OLA1: variants seen among roughly 807,000 people sequenced by gnomAD.
The protein encoded by OLA1 is obg-like ATPase 1.
OLA1 carries 14 observed loss-of-function variants against 48.4 expected under a neutral mutation model. The ratio of observed to expected loss-of-function variants is 0.29; its 90% CI spans 0.19 to 0.45. The LOEUF (loss-of-function observed/expected upper bound fraction) is 0.45, where lower values mean the gene tolerates loss of function less well. OLA1 is among the 20% of genes least tolerant of loss of function. OLA1 has a pLI of 1.00. For missense variants in OLA1, 325 were observed against 467.1 expected (o/e 0.70, Z 2.80); for synonymous variants, 127 against 150.4 (o/e 0.84, Z 1.14).
chr2:174,200,797 G>A (rs573652147), intron 4 of OLA1, among the ~76,000 whole-genome samples: 2 of 152,032 alleles, frequency 1.3e-5, no homozygotes, highest in South Asian at 2.1e-4. Flanking sequence ...AAGGAGTAAG[G>A]GGAGGAGGCT....
At chr2:174,178,770 C>G (rs1687471697) in intron 4 of OLA1, among the ~76,000 whole-genome samples, 1 of 151,738 alleles carries the variant, frequency 6.6e-6, no homozygotes, top group Admixed American at 6.6e-5. Context: ...AAAACTAGTT[C>G]CAAAAAACTT....
Position 174,088,877 on chromosome 2 carries a change from AAAATAAAT to A in OLA1, c.729-6821_729-6814del, listed in dbSNP as rs5836449. Among the ~76,000 whole-genome samples the A allele has an allele frequency of 1.2e-3, 184 of 148,132 alleles. 2 individuals are homozygous for A. The highest frequency in any genetic ancestry group is 3.1e-3 in the African/African-American group (125 of 39,902). On this transcript the variant is annotated intron_variant, in intron 7 of 10. Transcript: ENST00000284719. ...GATGACAGAGTGAAATCCTGTCTCA[AAAATAAAT>A]AAATAAATAAATAAATAAATAAATA...
At chr2:174,137,393 A>C (rs558944407) in intron 5 of OLA1, among the ~76,000 whole-genome samples, 3 of 152,228 alleles carry the variant, frequency 2.0e-5, no homozygotes, top group Non-Finnish European at 4.4e-5. Context: ...ATAACTCGCA[A>C]AGGCTCTAGG....
At chr2:174,110,302 A>ATTTTTTTTTTTT (rs575026912) in intron 7 of OLA1, among the ~76,000 whole-genome samples, 461 of 113,852 alleles carry the variant, frequency 4.0e-3, no homozygotes, top group African/African-American at 5.9e-3. Flanking sequence ...CCATGCTTGG[A>ATTTTTTTTTTTT]TTTTTTTTTT....
chr2:174,096,893 C>A (rs896147969), intron 7 of OLA1, among the ~76,000 whole-genome samples: 2 of 152,138 alleles, frequency 1.3e-5, no homozygotes, highest in African/African-American at 4.8e-5. Flanking sequence ...AGTGGTGGCT[C>A]ACGCCTGTAA....
chr2:174,149,587 T>C (rs1200360146), intron 4 of OLA1, among the ~76,000 whole-genome samples: 2 of 152,230 alleles, frequency 1.3e-5, no homozygotes, highest in Non-Finnish European at 2.9e-5. Context: ...TCTAAAATTA[T>C]GACTTTTCTA....
chr2:174,101,567 T>G (rs2105352919), intron 7 of OLA1, among the ~76,000 whole-genome samples: 1 of 152,328 alleles, frequency 6.6e-6, no homozygotes, highest in Middle Eastern at 3.4e-3. Context: ...ATCCAAGAGA[T>G]CTTTGCCTAT....
chr2:174,204,751 C>T (rs1213551337), intron 4 of OLA1, among the ~76,000 whole-genome samples: 1 of 150,276 alleles, frequency 6.7e-6, no homozygotes, highest in Admixed American at 6.6e-5. Flanking sequence ...TAAAAAAAAA[C>T]TTTAAGAAAT....
rs186968096 is a variant in OLA1, at chr2:174,146,293, A to G, written c.374-4293T>C. Among the ~76,000 whole-genome samples the G allele has an allele frequency of 5.0e-4, 76 of 152,304 alleles. 1 individual carries two copies. The highest frequency in any genetic ancestry group is 6.9e-4 in the Non-Finnish European group (47 of 68,028). On this transcript the variant is annotated intron_variant, in intron 4 of 10. Coordinates refer to ENST00000284719, the MANE Select transcript of OLA1 (RefSeq NM_013341.5). Reference sequence around the variant, plus strand: ...AACAAAGGGAAGGCAGGGTGATAAGATAAGACTTATGATTTAAAGAGGACA... The same window carrying G: ...AACAAAGGGAAGGCAGGGTGATAAGGTAAGACTTATGATTTAAAGAGGACA...
rs189598095 is a variant in OLA1, at chr2:174,244,476, A to G, written c.101+2239T>C. On this transcript the variant is annotated intron_variant, in intron 2 of 10. Transcript: ENST00000284719. The stretch of plus-strand genomic sequence containing the variant: ...TAAAAAGCTATGGTCGTCCCTCCAT[A>G]GCTGCAGGGGATTGGTTCTAAGATT... 2.2e-3 allele frequency among the ~76,000 whole-genome samples: 335 copies of G among 152,324 alleles called. 2 individuals are homozygous for G. The highest frequency in any genetic ancestry group is 3.9e-3 in the Non-Finnish European group (266 of 68,018).
chr2:174,236,395 T>C (rs1177775449), intron 2 of OLA1, among the ~76,000 whole-genome samples: 1 of 151,890 alleles, frequency 6.6e-6, no homozygotes, highest in African/African-American at 2.4e-5. Flanking sequence ...AAAATGAAAT[T>C]GAAATGAAAA....
chr2:174,208,930 C>T (rs1688175008), intron 4 of OLA1, among the ~76,000 whole-genome samples: 1 of 152,214 alleles, frequency 6.6e-6, no homozygotes, highest in African/African-American at 2.4e-5. Flanking sequence ...CAACTCTATA[C>T]TCATGTCTAC....
At chr2:174,220,528 A>C (rs972774753) in intron 4 of OLA1, among the ~76,000 whole-genome samples, 6 of 152,192 alleles carry the variant, frequency 3.9e-5, no homozygotes, top group African/African-American at 1.4e-4. Flanking sequence ...CTGTATTATA[A>C]GCTCATGAGA....
At chr2:174,245,039 T>C (rs369684433) in intron 2 of OLA1, among the ~76,000 whole-genome samples, 12 of 152,334 alleles carry the variant, frequency 7.9e-5, no homozygotes, top group African/African-American at 2.9e-4. Flanking sequence ...ATATGGCCCA[T>C]TTTAATATAG....
At chr2:174,224,321 A>G (rs933537097) in intron 3 of OLA1, among the ~76,000 whole-genome samples, 19 of 152,178 alleles carry the variant, frequency 1.2e-4, no homozygotes, top group Admixed American at 1.2e-3. Flanking sequence ...TTTGGTAGCC[A>G]TTCCTCTCCA....
rs538386118 is a variant in OLA1 at position 174,114,493 on chromosome 2, C to T, written c.728+8687G>A. Among the ~76,000 whole-genome samples the T allele has an allele frequency of 2.4e-4, 37 of 151,832 alleles. No homozygotes were observed. In the South Asian group the frequency reaches 3.3e-3, roughly 14 times the overall value. On this transcript the variant is annotated intron_variant, in intron 7 of 10. Transcript: ENST00000284719. ...GACCTTCATGTTGGACATCCATATACGTTCCTGGGGAAAAATCTTTTAAAA... is the reference window on the plus strand; with the variant it reads ...GACCTTCATGTTGGACATCCATATATGTTCCTGGGGAAAAATCTTTTAAAA...
chr2:174,166,110 G>A (rs1475960115), intron 4 of OLA1, among the ~76,000 whole-genome samples: 1 of 139,552 alleles, frequency 7.2e-6, no homozygotes. Context: ...GGGCAACAGA[G>A]TGAGACTCCA....
chr2:174,171,521 G>A (rs1574526402), intron 4 of OLA1, among the ~76,000 whole-genome samples: 1 of 151,768 alleles, frequency 6.6e-6, no homozygotes, highest in East Asian at 1.9e-4. Context: ...AGAATCAACA[G>A]ATCAAAGAAG....
intron 4 of OLA1, among the ~76,000 whole-genome samples, chr2:174,213,461 G>T (rs1356856998): frequency 6.6e-6 from 1 of 151,584 alleles, no homozygotes; most frequent in Non-Finnish European, 1.5e-5. Context: ...AAAAAGTTAA[G>T]AATCTTTACT....
Sources: allele counts gnomAD v4.1 joint callset (sites outside exome capture counted in the v4.1 genomes callset), GRCh38; gene constraint gnomAD v4.1.1; transcripts MANE v1.5; gene names NCBI Gene and HGNC (gene_info 2026-07-23, HGNC 2026-07-21).